Variants in PCDH11X observed in about 807,000 individuals in gnomAD.
PCDH11X encodes the protein protocadherin-11 X-linked.
A neutral mutation model predicts 53.3 loss-of-function variants in PCDH11X; 18 were observed. The observed-to-expected ratio is 0.34, with a 90% CI of 0.23 to 0.50. PCDH11X has a LOEUF of 0.50. Among genes scored for constraint, PCDH11X ranks in the 20% least tolerant of loss-of-function variants. The pLI is 0.98. For missense variants in PCDH11X, 570 were observed against 1,032.4 expected (o/e 0.55, Z 6.14); for synonymous variants, 279 against 393.3 (o/e 0.71, Z 3.44).
chrX:92,279,454 A>G (rs1209429948), intron 8 of PCDH11X, among the ~76,000 whole-genome samples: 1 of 111,940 alleles, frequency 8.9e-6, no homozygotes, highest in African/African-American at 3.2e-5. Context: ...ATTGAATGCA[A>G]TTTTTTAAAT....
At chrX:92,292,584 G>A (rs1402004035) in intron 8 of PCDH11X, among the ~76,000 whole-genome samples, 1 of 110,720 alleles carries the variant, frequency 9.0e-6, no homozygotes, top group Non-Finnish European at 1.9e-5. Context: ...AACCTCCTGA[G>A]AAGGAAAATA....
intron 10 of PCDH11X, among the ~76,000 whole-genome samples, chrX:92,513,071 G>A (rs1275786194): frequency 9.1e-6 from 1 of 110,172 alleles, no homozygotes; most frequent in African/African-American, 3.3e-5. Flanking sequence ...TTAGGGTGGT[G>A]CTTATTCAGT....
At chrX:92,033,630 T>A (rs1237668276) in intron 6 of PCDH11X, among the ~76,000 whole-genome samples, 1 of 108,815 alleles carries the variant, frequency 9.2e-6, no homozygotes, top group Admixed American at 9.9e-5. Context: ...TTTTGTATAT[T>A]TGTGTCTTCT....
chrX:92,461,703 A>G (rs2073049349), intron 9 of PCDH11X, among the ~76,000 whole-genome samples: 1 of 111,368 alleles, frequency 9.0e-6, no homozygotes, highest in Non-Finnish European at 1.9e-5. Flanking sequence ...CAAAAAATGG[A>G]CAAATGGGAT....
chrX:92,589,943 G>C, intron 10 of PCDH11X, among the ~76,000 whole-genome samples: 1 of 111,623 alleles, frequency 9.0e-6, no homozygotes, highest in Non-Finnish European at 1.9e-5. Context: ...TTAATCTGAA[G>C]ATTATAAGAT....
intron 7 of PCDH11X, among the ~76,000 whole-genome samples, chrX:92,258,645 G>A (rs1465020490): frequency 9.0e-6 from 1 of 111,726 alleles, no homozygotes; most frequent in Non-Finnish European, 1.9e-5. Flanking sequence ...GGGATTACAG[G>A]CGTGAGCCAC....
intron 6 of PCDH11X, among the ~76,000 whole-genome samples, chrX:92,117,443 A>G (rs894363950): frequency 2.7e-5 from 3 of 109,975 alleles, no homozygotes; most frequent in African/African-American, 1.0e-4. Context: ...TCTCAAAAAA[A>G]AAAAAAGTAA....
chrX:91,784,436 C>T (rs1226645997), intron 1 of PCDH11X, among the ~76,000 whole-genome samples: 1 of 112,235 alleles, frequency 8.9e-6, no homozygotes, highest in East Asian at 2.8e-4. Context: ...GATCTTTTTA[C>T]TCATCTCAGT....
At chrX:92,331,341 C>CTT (rs1329567733) in intron 8 of PCDH11X, among the ~76,000 whole-genome samples, 276 of 35,226 alleles carry the variant, frequency 7.8e-3, no homozygotes, top group Middle Eastern at 0.015. Flanking sequence ...TTCCTTCCTT[C>CTT]CTTTTCCCCC....
chrX:91,794,245 T>C (rs945099906), intron 1 of PCDH11X, among the ~76,000 whole-genome samples: 1 of 112,170 alleles, frequency 8.9e-6, no homozygotes, highest in Non-Finnish European at 1.9e-5. Context: ...CAGACATTTT[T>C]AGCCTCCCTT....
chrX:92,564,049 A>G (rs1223844612), intron 10 of PCDH11X, among the ~76,000 whole-genome samples: 1 of 109,819 alleles, frequency 9.1e-6, no homozygotes, highest in Non-Finnish European at 1.9e-5. Flanking sequence ...TTAAATATCT[A>G]GGAATTGGCA....
At chrX:92,028,963 T>C (rs1264500257) in intron 6 of PCDH11X, among the ~76,000 whole-genome samples, 1 of 109,753 alleles carries the variant, frequency 9.1e-6, no homozygotes, top group Non-Finnish European at 1.9e-5. Context: ...TGACCCATCA[T>C]GAGCAATGTA....
intron 6 of PCDH11X, among the ~76,000 whole-genome samples, chrX:91,905,576 A>G (rs1370750661): frequency 2.7e-5 from 3 of 111,651 alleles, no homozygotes; most frequent in Non-Finnish European, 5.6e-5. Context: ...GTAATTTTAT[A>G]GAGAAATTCA....
At position 92,540,735 on chromosome X, in the gene PCDH11X, T is replaced by C. The variant is rs372387151; in HGVS notation, c.3367+72413T>C. Among the ~76,000 whole-genome samples the C allele has an allele frequency of 3.7e-5, 4 of 106,756 alleles. No individual in the cohort carries two copies. In the South Asian group the frequency reaches 1.7e-3, roughly 46 times the overall value. 92.7% of individuals were successfully genotyped at this position (106,756 alleles called of 115,157 possible). A position where few individuals can be genotyped will look rare whatever the true frequency, so the allele number is the denominator to read the frequency against. On this transcript the variant is annotated intron_variant, in intron 10 of 10. Coordinates refer to ENST00000682573, the MANE Select transcript of PCDH11X (RefSeq NM_032968.5). ...GTACTCCCTGACTATCACTCCTTAC[T>C]CTTCAGAGCCCAAGGGCTCTTTAGT...
chrX:92,213,985 G>A (rs1214933705), intron 7 of PCDH11X, among the ~76,000 whole-genome samples: 6 of 111,915 alleles, frequency 5.4e-5, no homozygotes, highest in Non-Finnish European at 1.1e-4. Context: ...GCCTATGCAT[G>A]AGTCTTCTAG....
intron 10 of PCDH11X, among the ~76,000 whole-genome samples, chrX:92,587,301 A>C (rs764294832): frequency 1.5e-3 from 169 of 111,357 alleles, no homozygotes; most frequent in Admixed American, 3.0e-3. Context: ...TGACATTAAG[A>C]AAAACGTCTT....
At chrX:92,098,396 C>T (rs1257483369) in intron 6 of PCDH11X, among the ~76,000 whole-genome samples, 1 of 111,412 alleles carries the variant, frequency 9.0e-6, no homozygotes, top group Non-Finnish European at 1.9e-5. Context: ...ACCTTCATTT[C>T]TATTTTGTTT....
chrX:92,221,938 A>G (rs1040084505), intron 7 of PCDH11X, among the ~76,000 whole-genome samples: 4 of 110,222 alleles, frequency 3.6e-5, no homozygotes, highest in Non-Finnish European at 7.6e-5. Flanking sequence ...GGTTCAAGAT[A>G]TTTTCCTGCC....
At chrX:91,922,632 A>G (rs1941785839) in intron 6 of PCDH11X, among the ~76,000 whole-genome samples, 1 of 112,204 alleles carries the variant, frequency 8.9e-6, no homozygotes, top group South Asian at 3.7e-4. Flanking sequence ...CATAAACCCT[A>G]TTGTGAACTG....
Sources: gnomAD v4.1 joint callset for allele counts (sites outside exome capture counted in the v4.1 genomes callset) on GRCh38, gnomAD v4.1.1 for gene constraint, MANE v1.5 for transcripts, NCBI Gene and HGNC (gene_info 2026-07-23, HGNC 2026-07-21) for gene names.